CD96: variants seen among roughly 807,000 people sequenced by gnomAD.
CD96 encodes T-cell surface protein tactile.
A neutral mutation model predicts 71.3 loss-of-function variants in CD96; 70 were observed. The ratio of observed to expected loss-of-function variants is 0.98; its 90% confidence interval spans 0.81 to 1.20. The LOEUF is 1.20. Among genes scored for constraint, CD96 ranks in the 50% most tolerant of loss-of-function variants. The probability of loss-of-function intolerance (pLI) is 0.00; values close to 1 mark genes in which losing one functional copy is unlikely to be tolerated. For synonymous variants in CD96, 248 were observed against 233.0 expected, an observed-to-expected ratio of 1.06 and a Z score of -0.59; for missense variants, 742 against 677.5, an observed-to-expected ratio of 1.10 and a Z score of -1.06.
chr3:111,584,068 C>T (rs1450816592), intron 4 of CD96, among the ~76,000 whole-genome samples: 2 of 152,188 alleles, frequency 1.3e-5, no homozygotes, highest in African/African-American at 2.4e-5. Context: ...TAACAGCACC[C>T]AATACACCTC....
At chr3:111,618,892 A>G (rs1938381758) in intron 8 of CD96, among the ~76,000 whole-genome samples, 1 of 151,854 alleles carries the variant, frequency 6.6e-6, no homozygotes. Context: ...TTAAGTTACC[A>G]GCTTATTCTT....
intron 5 of CD96, among the ~76,000 whole-genome samples, chr3:111,588,643 T>C (rs1936825792): frequency 6.6e-6 from 1 of 152,174 alleles, no homozygotes. Context: ...GGGTAATTTA[T>C]ACAGGAAAAA....
intron 2 of CD96, among the ~76,000 whole-genome samples, chr3:111,565,606 C>CA (rs1406102494): frequency 2.0e-5 from 3 of 151,606 alleles, no homozygotes; most frequent in Non-Finnish European, 4.4e-5. Flanking sequence ...GCAAATATGG[C>CA]AAAAAATGAT....
intron 8 of CD96, among the ~76,000 whole-genome samples, chr3:111,623,201 C>A (rs1938591829): frequency 6.6e-6 from 1 of 151,920 alleles, no homozygotes; most frequent in Admixed American, 6.6e-5. Context: ...TATAATAGTT[C>A]TAAAATATAG....
At chr3:111,582,008 C>T (rs144312851) in intron 4 of CD96, among the ~76,000 whole-genome samples, 1 of 152,278 alleles carries the variant, frequency 6.6e-6, no homozygotes, top group East Asian at 1.9e-4. Flanking sequence ...TGGGAGACAG[C>T]ATAGAACACA....
intron 12 of CD96, among the ~76,000 whole-genome samples, chr3:111,645,961 C>T (rs1209228090): frequency 6.6e-6 from 1 of 152,226 alleles, no homozygotes; most frequent in African/African-American, 2.4e-5. Context: ...AATATTACAT[C>T]TAGTTCTTTG....
chr3:111,605,930 A>G (rs1026676279), intron 7 of CD96, among the ~76,000 whole-genome samples: 4 of 152,216 alleles, frequency 2.6e-5, no homozygotes, highest in Non-Finnish European at 5.9e-5. Flanking sequence ...AAAATCTTCT[A>G]ACTTCAAAAT....
downstream of CD96, among the ~76,000 whole-genome samples, chr3:111,655,809 C>T (rs549890283): frequency 5.3e-5 from 8 of 151,938 alleles, no homozygotes; most frequent in Admixed American, 5.2e-4. Context: ...TACATATATA[C>T]ATAATACATG....
chr3:111,594,210 T>C (rs755603631), intron 5 of CD96: 2 of 1,573,864 alleles, frequency 1.3e-6, no homozygotes, highest in South Asian at 2.4e-5. Flanking sequence ...ATGTCACCTC[T>C]TCTACAGCGT....
At chr3:111,617,714 T>C (rs2107694576) in intron 8 of CD96, among the ~76,000 whole-genome samples, 1 of 152,310 alleles carries the variant, frequency 6.6e-6, no homozygotes, top group East Asian at 1.9e-4. Context: ...GTTGTCAGCA[T>C]ACCTCGTTCT....
chr3:111,569,749 T>C (rs1935889210), intron 3 of CD96, among the ~76,000 whole-genome samples: 1 of 152,242 alleles, frequency 6.6e-6, no homozygotes, highest in African/African-American at 2.4e-5. Context: ...GAGTCTGAGC[T>C]TCTCCTGGAC....
Position 111,650,234 on chromosome 3 carries a change from A to G in CD96, c.*428A>G, listed in dbSNP as rs983805744. On this transcript the variant is annotated 3_prime_UTR_variant, in exon 14 of 14. Transcript: ENST00000352690. Reference sequence around the variant, plus strand: ...CTGGGGCTTTGCTGCATTCCCTAAGATAATTACAGGAAAAAGAAAATGTAA... The same window carrying G: ...CTGGGGCTTTGCTGCATTCCCTAAGGTAATTACAGGAAAAAGAAAATGTAA... 1.6e-5 allele frequency: 3 copies of G among 188,030 alleles called. No individual in the cohort carries two copies. The highest frequency in any genetic ancestry group is 1.2e-4 in the East Asian group (1 of 8,422). The allele number at this position is 188,030 out of a possible 1,614,324, so 11.6% of individuals were successfully genotyped here. A position where few individuals can be genotyped will look rare whatever the true frequency, so the allele number is the denominator to read the frequency against.
At chr3:111,570,209 C>T (rs1265793953) in intron 3 of CD96, among the ~76,000 whole-genome samples, 1 of 152,146 alleles carries the variant, frequency 6.6e-6, no homozygotes, top group Non-Finnish European at 1.5e-5. Flanking sequence ...CTGGAGGGCT[C>T]AGGTCTGAGC....
At chr3:111,612,219 T>A (rs1002133000) in intron 8 of CD96, among the ~76,000 whole-genome samples, 2 of 152,106 alleles carry the variant, frequency 1.3e-5, no homozygotes, top group African/African-American at 2.4e-5. Flanking sequence ...TTTAAAGTGG[T>A]TTAAGTTTGT....
At position 111,638,181 on chromosome 3, in the gene CD96, T is replaced by A; in HGVS notation, c.1477+13T>A. ...GTCCATATCACTGGTAAGTCATTTA[T>A]CCTATTTTGGGGGATTTTATGCTTT... On this transcript the variant is annotated intron_variant, in intron 12 of 13. Coordinates refer to ENST00000352690, the MANE Select transcript of CD96 (RefSeq NM_005816.5). 6.6e-7 allele frequency: 1 copy of A among 1,503,824 alleles called. No individual in the cohort carries two copies. The highest frequency in any genetic ancestry group is 9.3e-7 in the Non-Finnish European group (1 of 1,079,470). 93.2% of individuals were successfully genotyped at this position (1,503,824 alleles called of 1,614,324 possible). A position where few individuals can be genotyped will look rare whatever the true frequency, so the allele number is the denominator to read the frequency against.
chr3:111,593,237 G>A (rs556537456), intron 5 of CD96: 2 of 247,288 alleles, frequency 8.1e-6, no homozygotes, highest in South Asian at 3.2e-4. Context: ...TGATTATTTT[G>A]TTAAACAACG....
intron 13 of CD96, among the ~76,000 whole-genome samples, chr3:111,649,433 G>C (rs191906273): frequency 3.9e-4 from 60 of 152,286 alleles, no homozygotes; most frequent in Non-Finnish European, 7.2e-4. Flanking sequence ...TTTATCTGTA[G>C]ATGGTGAGGC....
intron 12 of CD96, among the ~76,000 whole-genome samples, chr3:111,645,950 T>G (rs1939808094): frequency 6.6e-6 from 1 of 152,188 alleles, no homozygotes; most frequent in South Asian, 2.1e-4. Context: ...ATGTGATAAC[T>G]AATATTACAT....
At chr3:111,570,717 A>G (rs1935939466) in intron 3 of CD96, 1 of 1,612,614 alleles carries the variant, frequency 6.2e-7, no homozygotes. Flanking sequence ...AGCATCATAG[A>G]TGGGGTTGAT....
Sources: gnomAD v4.1 joint callset for allele counts (sites outside exome capture counted in the v4.1 genomes callset) on GRCh38, gnomAD v4.1.1 for gene constraint, MANE v1.5 for transcripts, NCBI Gene and HGNC (gene_info 2026-07-23, HGNC 2026-07-21) for gene names.